PCBP3: variants seen among roughly 807,000 people sequenced by gnomAD.
The protein encoded by PCBP3 is poly(rC) binding protein 3.
Under a neutral mutation model 52.7 loss-of-function variants are expected in PCBP3, and 25 were observed. The observed-to-expected ratio is 0.47, with a 90% CI of 0.35 to 0.66. The LOEUF is 0.66. PCBP3 is among the 30% of genes least tolerant of loss of function. PCBP3 has a pLI of 0.01. For synonymous variants in PCBP3, 162 were observed against 183.0 expected (o/e 0.89, Z 0.93); for missense variants, 391 against 490.3 (o/e 0.80, Z 1.91).
intron 4 of PCBP3, among the ~76,000 whole-genome samples, chr21:45,815,799 ATGAGTGAGTGG>A (rs2092916881): frequency 1.7e-4 from 13 of 77,504 alleles, no homozygotes; most frequent in African/African-American, 4.6e-4. Context: ...GTGGTGAGTG[ATGAGTGAGTGG>A]TGAGTGAGTG....
chr21:45,740,621 AGTGTGT>A (rs34229652), intron 3 of PCBP3, among the ~76,000 whole-genome samples: 3 of 150,380 alleles, frequency 2.0e-5, no homozygotes, highest in African/African-American at 2.4e-5. Flanking sequence ...TGGTGTGTGT[AGTGTGT>A]GTGTGTGTGT....
chr21:45,738,716 C>A (rs571611111), intron 3 of PCBP3, among the ~76,000 whole-genome samples: 9 of 150,718 alleles, frequency 6.0e-5, no homozygotes, highest in African/African-American at 2.2e-4. Flanking sequence ...CCTGGGTAGC[C>A]CCCCCATCTT....
intron 5 of PCBP3, among the ~76,000 whole-genome samples, chr21:45,891,423 G>C (rs981311037): frequency 1.3e-5 from 2 of 152,234 alleles, no homozygotes; most frequent in Non-Finnish European, 2.9e-5. Flanking sequence ...GAAAAGAACT[G>C]TTTATATGCT....
chr21:45,687,856 G>T (rs574718621), intron 2 of PCBP3, among the ~76,000 whole-genome samples: 1 of 151,470 alleles, frequency 6.6e-6, no homozygotes, highest in Non-Finnish European at 1.5e-5. Context: ...TCAGCCTCCC[G>T]AGTAGCTGGG....
chr21:45,752,191 AG>A (rs2087579058), intron 3 of PCBP3, among the ~76,000 whole-genome samples: 1 of 152,116 alleles, frequency 6.6e-6, no homozygotes, highest in Non-Finnish European at 1.5e-5. Context: ...TTCTACACCC[AG>A]ATTAAAGAGG....
intron 15 of PCBP3, among the ~76,000 whole-genome samples, chr21:45,932,174 A>G (rs1199539998): frequency 5.4e-4 from 66 of 121,706 alleles, no homozygotes; most frequent in Middle Eastern, 0.014. Flanking sequence ...TGAACACATC[A>G]GCCATGCCGT....
chr21:45,691,433 A>G (rs1313421228), intron 2 of PCBP3, among the ~76,000 whole-genome samples: 3 of 120,204 alleles, frequency 2.5e-5, no homozygotes, highest in African/African-American at 1.1e-4. Flanking sequence ...TAAAATATAT[A>G]TATCATATAT....
chr21:45,776,430 GTCTC>G (rs576250554), intron 4 of PCBP3, among the ~76,000 whole-genome samples: 46 of 151,494 alleles, frequency 3.0e-4, no homozygotes, highest in African/African-American at 1.0e-3. Flanking sequence ...TTGTACTTGA[GTCTC>G]TCTCTCTCCC....
Position 45,696,907 on chromosome 21 carries a change from A to G in PCBP3, c.-200+27955A>G, listed in dbSNP as rs115507958. Among the ~76,000 whole-genome samples, 356 of 152,312 alleles carry G rather than the reference A, an allele frequency of 2.3e-3. 2 individuals carry two copies. Among genetic ancestry groups the G allele is most frequent in the African/African-American group, 8.2e-3 (340 of 41,564 alleles). On this transcript the variant is annotated intron_variant, in intron 2 of 17. Coordinates refer to ENST00000681687, the MANE Select transcript of PCBP3 (RefSeq NM_001384156.1). The stretch of plus-strand genomic sequence containing the variant: ...AAAGAAGTACTCAGTGCTGTCAGTG[A>G]TCCAGAAAGTACAGATTAAAACCAC...
At chr21:45,667,105 TC>T (rs1312868039) in intron 1 of PCBP3, among the ~76,000 whole-genome samples, 2 of 151,496 alleles carry the variant, frequency 1.3e-5, no homozygotes, top group African/African-American at 4.9e-5. Context: ...TTTCTTTCTT[TC>T]TTTTTCTTTC....
intron 2 of PCBP3, among the ~76,000 whole-genome samples, chr21:45,676,347 A>T (rs1409736532): frequency 6.7e-6 from 1 of 150,102 alleles, no homozygotes; most frequent in Non-Finnish European, 1.5e-5. Context: ...GGCATCACTC[A>T]TTTTATTGCA....
rs1233588404 is a variant in PCBP3, at chr21:45,805,789, C to T, written c.-125-44172C>T. Among the ~76,000 whole-genome samples, 2 of 152,152 alleles carry T rather than the reference C, an allele frequency of 1.3e-5. No individual in the cohort carries two copies. Among genetic ancestry groups the T allele is most frequent in the African/African-American group, 4.8e-5 (2 of 41,518 alleles). On this transcript the variant is annotated intron_variant, in intron 4 of 17. Transcript: ENST00000681687. This position sits in a 1 kb window ranked among gnomAD's most constrained non-coding sequence, Gnocchi z 4.6. ...CCTAGCAGCTGCACACTGGAGTGGT[C>T]CTGAGGAAAGCGCGCTCCTGTCTTT...
At position 45,754,706 on chromosome 21, in the gene PCBP3, G is replaced by A. The variant is rs1414920806; in HGVS notation, c.-161-711G>A. ...AACAGAGAAGCTAATACTAGCTCCTGCTCCTCTGGGTTGAAATTCTGGGTA... is the reference window on the plus strand; with the variant it reads ...AACAGAGAAGCTAATACTAGCTCCTACTCCTCTGGGTTGAAATTCTGGGTA... On this transcript the variant is annotated intron_variant, in intron 3 of 17. Transcript: ENST00000681687. Among the ~76,000 whole-genome samples, 3 of 152,168 alleles carry A rather than the reference G, an allele frequency of 2.0e-5. No individual in the cohort carries two copies. The South Asian group carries it at 6.2e-4, about 32-fold the overall frequency.
At chr21:45,898,902 C>T (rs1412026860) in intron 6 of PCBP3, among the ~76,000 whole-genome samples, 1 of 150,826 alleles carries the variant, frequency 6.6e-6, no homozygotes, top group Non-Finnish European at 1.5e-5. Context: ...CCTCTTTTTC[C>T]ACAGACCCCT....
intron 10 of PCBP3, 47 bp from the exon 11 acceptor site, chr21:45,910,855 C>T (rs768861637): frequency 2.6e-6 from 4 of 1,549,094 alleles, no homozygotes; most frequent in Non-Finnish European, 3.5e-6. Flanking sequence ...ACTGCTGCCC[C>T]ATGCGCTGCT....
chr21:45,910,712 G>A (rs1046902316), intron 10 of PCBP3, among the ~76,000 whole-genome samples, 190 bp from the exon 11 acceptor site: 2 of 152,144 alleles, frequency 1.3e-5, no homozygotes, highest in Non-Finnish European at 2.9e-5. Context: ...ACAGGGCCGG[G>A]TGCCAGGCCG....
intron 4 of PCBP3, among the ~76,000 whole-genome samples, chr21:45,833,127 G>A (rs1054625501): frequency 2.6e-5 from 4 of 152,188 alleles, no homozygotes; most frequent in African/African-American, 9.7e-5. Context: ...CCAAGGGAAG[G>A]AGTGGGCACC....
intron 3 of PCBP3, among the ~76,000 whole-genome samples, chr21:45,743,439 A>G (rs2086595508): frequency 6.6e-6 from 1 of 152,280 alleles, no homozygotes; most frequent in South Asian, 2.1e-4. Flanking sequence ...AAAAAGTTGC[A>G]TTTCACTAAA....
intron 5 of PCBP3, among the ~76,000 whole-genome samples, chr21:45,894,310 A>G (rs2095763861): frequency 1.3e-5 from 2 of 152,164 alleles, no homozygotes; most frequent in African/African-American, 4.8e-5. Context: ...CTGGGCTGGA[A>G]ACCTTGACAT....
Sources: gnomAD v4.1 joint callset for allele counts (sites outside exome capture counted in the v4.1 genomes callset) on GRCh38, gnomAD v4.1.1 for gene constraint, Gnocchi (gnomAD v3.1) non-coding constraint, MANE v1.5 for transcripts, NCBI Gene and HGNC (gene_info 2026-07-23, HGNC 2026-07-21) for gene names.